The following CTNND2 variants were observed in gnomAD, a reference collection of about 807,000 sequenced individuals.
CTNND2 encodes the protein catenin delta-2.
In CTNND2, 22 loss-of-function variants were observed where a neutral mutation model predicts 144.4. The ratio of observed to expected loss-of-function variants is 0.15; its 90% CI spans 0.11 to 0.22. CTNND2 has a LOEUF of 0.22. Among genes scored for constraint, CTNND2 ranks in the 10% least tolerant of loss-of-function variants. CTNND2 has a pLI of 1.00. For synonymous variants in CTNND2, 751 were observed against 695.6 expected (o/e 1.08, Z -1.25); for missense variants, 1,353 against 1,618.8 (o/e 0.84, Z 2.82).
chr5:11,192,816 T>G lies in CTNND2; in HGVS notation c.1975+6632A>C, dbSNP rs143952424. On this transcript the variant is annotated intron_variant, in intron 11 of 21. Transcript: ENST00000304623. ...ACCGTAAGAAAATCAATCTTCCTTG[T>G]GTTAAGCTGCTAAATGTGTGGTGAA... is the stretch of plus-strand genomic sequence containing the variant. 2.1e-3 allele frequency among the ~76,000 whole-genome samples: 323 copies of G among 152,306 alleles called. 1 individual carries two copies. The highest frequency in any genetic ancestry group is 0.02 in the Middle Eastern group (6 of 294).
intron 9 of CTNND2, among the ~76,000 whole-genome samples, chr5:11,254,222 T>G (rs1262814309): frequency 6.6e-6 from 1 of 152,186 alleles, no homozygotes; most frequent in African/African-American, 2.4e-5. Flanking sequence ...GAGCCTGATT[T>G]TCAGACATCT....
chr5:11,468,329 T>G (rs1395189254), intron 3 of CTNND2, among the ~76,000 whole-genome samples: 2 of 152,192 alleles, frequency 1.3e-5, no homozygotes, highest in Non-Finnish European at 2.9e-5. Context: ...TTTTAAAAAT[T>G]TGTAATCATA....
chr5:11,142,193 T>C (rs1240453515), intron 12 of CTNND2, among the ~76,000 whole-genome samples: 2 of 152,298 alleles, frequency 1.3e-5, no homozygotes, highest in East Asian at 1.9e-4. Flanking sequence ...ACCTGTCAAA[T>C]AGATGATAAC....
At chr5:11,890,624 T>C (rs1002000033) in intron 1 of CTNND2, among the ~76,000 whole-genome samples, 1 of 152,252 alleles carries the variant, frequency 6.6e-6, no homozygotes, top group African/African-American at 2.4e-5. Flanking sequence ...CTATGTGTAC[T>C]ATATCAGTAA....
At chr5:11,666,747 G>A (rs1783587629) in intron 2 of CTNND2, among the ~76,000 whole-genome samples, 3 of 152,100 alleles carry the variant, frequency 2.0e-5, no homozygotes, top group African/African-American at 7.2e-5. Flanking sequence ...ACTTCAAATT[G>A]AGAGAATCTG....
intron 3 of CTNND2, among the ~76,000 whole-genome samples, chr5:11,424,411 G>T (rs1762609978): frequency 6.6e-6 from 1 of 152,088 alleles, no homozygotes; most frequent in Admixed American, 6.5e-5. Context: ...TTGTGGCATG[G>T]TTTCATACAG....
intron 3 of CTNND2, among the ~76,000 whole-genome samples, chr5:11,540,183 G>A (rs1476188158): frequency 1.3e-5 from 2 of 152,144 alleles, no homozygotes; most frequent in African/African-American, 2.4e-5. Context: ...CCCGACACAG[G>A]TTAAAATAAA....
chr5:11,354,571 C>T (rs994778939), intron 8 of CTNND2, among the ~76,000 whole-genome samples: 4 of 152,078 alleles, frequency 2.6e-5, no homozygotes, highest in Non-Finnish European at 4.4e-5. Flanking sequence ...TTTCTGAGAA[C>T]ATTTCCACGA....
intron 16 of CTNND2, among the ~76,000 whole-genome samples, chr5:11,079,162 G>A (rs10513069): frequency 0.076 from 11,604 of 152,236 alleles, 582 homozygotes; most frequent in Non-Finnish European, 0.1. Flanking sequence ...AAAACATTTT[G>A]TCTGCAATTT....
intron 3 of CTNND2, among the ~76,000 whole-genome samples, chr5:11,553,197 T>A (rs1426691027): frequency 6.6e-6 from 1 of 152,214 alleles, no homozygotes; most frequent in Non-Finnish European, 1.5e-5. Flanking sequence ...GAAAATCTCA[T>A]CTTCAGTTCC....
chr5:11,275,092 A>G (rs1746395263), intron 9 of CTNND2, among the ~76,000 whole-genome samples: 1 of 152,138 alleles, frequency 6.6e-6, no homozygotes. Context: ...GTGGGTGGGA[A>G]CAAGTGTCCT....
intron 2 of CTNND2, among the ~76,000 whole-genome samples, chr5:11,626,686 T>C (rs779677696): frequency 2.6e-5 from 4 of 152,162 alleles, no homozygotes; most frequent in African/African-American, 4.8e-5. Context: ...CTCTCAGATA[T>C]AGGAAGCTAT....
chr5:11,073,821 T>C (rs1748612562), intron 16 of CTNND2, among the ~76,000 whole-genome samples: 1 of 152,188 alleles, frequency 6.6e-6, no homozygotes, highest in Non-Finnish European at 1.5e-5. Flanking sequence ...GCTTGTGAAA[T>C]CAAGTTATTA....
chr5:11,377,541 A>G (rs115218924), intron 7 of CTNND2, among the ~76,000 whole-genome samples: 3,288 of 152,278 alleles, frequency 0.022, 64 homozygotes, highest in Non-Finnish European at 0.034. Context: ...AGTCATATCA[A>G]TATCAATAAT....
chr5:11,487,895 A>G (rs1227079536), intron 3 of CTNND2, among the ~76,000 whole-genome samples: 4 of 151,972 alleles, frequency 2.6e-5, no homozygotes, highest in Non-Finnish European at 5.9e-5. Flanking sequence ...GGTCCCAGAG[A>G]TCTAGTTGTT....
intron 2 of CTNND2, among the ~76,000 whole-genome samples, chr5:11,654,348 A>C (rs1391492134): frequency 6.6e-6 from 1 of 152,096 alleles, no homozygotes; most frequent in Non-Finnish European, 1.5e-5. Context: ...AACAATACTA[A>C]TTATTCCAAT....
chr5:11,871,565 T>C (rs1735127028), intron 1 of CTNND2, among the ~76,000 whole-genome samples: 1 of 152,176 alleles, frequency 6.6e-6, no homozygotes, highest in East Asian at 1.9e-4. Flanking sequence ...TTAAAAGAAT[T>C]TGTATTTTAA....
chr5:11,578,722 A>G (rs1015706556), intron 2 of CTNND2, among the ~76,000 whole-genome samples: 1 of 152,162 alleles, frequency 6.6e-6, no homozygotes, highest in African/African-American at 2.4e-5. Flanking sequence ...TGAACTGGCA[A>G]TCACACAGGT....
intron 2 of CTNND2, among the ~76,000 whole-genome samples, chr5:11,569,091 C>G (rs1303557026): frequency 6.6e-6 from 1 of 152,078 alleles, no homozygotes; most frequent in Non-Finnish European, 1.5e-5. Context: ...CTAGTATGGC[C>G]TTCTCCTGGG....
Sources: allele counts gnomAD v4.1 joint callset (sites outside exome capture counted in the v4.1 genomes callset), GRCh38; gene constraint gnomAD v4.1.1; transcripts MANE v1.5; gene names NCBI Gene and HGNC (gene_info 2026-07-23, HGNC 2026-07-21).